PTPRD: variants seen among roughly 807,000 people sequenced by gnomAD.
PTPRD encodes protein tyrosine phosphatase receptor type D, also known as receptor-type tyrosine-protein phosphatase delta.
In PTPRD, 34 loss-of-function variants were observed where a neutral mutation model predicts 214.5. The ratio of observed to expected loss-of-function variants is 0.16; its 90% CI spans 0.12 to 0.21. The LOEUF is 0.21. PTPRD is among the 10% of genes least tolerant of loss of function. The probability of loss-of-function intolerance (pLI) is 1.00; values close to 1 mark genes in which losing one functional copy is unlikely to be tolerated. For missense variants in PTPRD, 2,545 were observed against 2,398.7 expected, an observed-to-expected ratio of 1.06 and a Z score of -1.27; for synonymous variants, 1,128 against 845.7, an observed-to-expected ratio of 1.33 and a Z score of -5.79.
intron 5 of PTPRD, among the ~76,000 whole-genome samples, chr9:9,906,943 C>T (rs547079796): frequency 1.3e-5 from 2 of 152,012 alleles, no homozygotes; most frequent in Admixed American, 1.3e-4. Flanking sequence ...AGATTTCAGC[C>T]ATACTGACAA....
intron 14 of PTPRD, among the ~76,000 whole-genome samples, chr9:8,530,769 C>T (rs1422553371): frequency 6.6e-6 from 1 of 151,968 alleles, no homozygotes; most frequent in Non-Finnish European, 1.5e-5. Flanking sequence ...ATGTGAATGG[C>T]GAAAGAATGT....
intron 9 of PTPRD, among the ~76,000 whole-genome samples, chr9:9,318,776 G>C (rs1964811584): frequency 2.6e-5 from 4 of 152,000 alleles, no homozygotes; most frequent in African/African-American, 9.7e-5. Flanking sequence ...ATAATATTAT[G>C]GACAGCAGTA....
At chr9:9,102,206 A>G (rs1232094274) in intron 10 of PTPRD, among the ~76,000 whole-genome samples, 1 of 152,198 alleles carries the variant, frequency 6.6e-6, no homozygotes, top group Non-Finnish European at 1.5e-5. Flanking sequence ...TATTTTTAAT[A>G]GCTTTTCATT....
chr9:8,736,644 C>A (rs1288822438), intron 11 of PTPRD, among the ~76,000 whole-genome samples: 1 of 151,022 alleles, frequency 6.6e-6, no homozygotes, highest in Non-Finnish European at 1.5e-5. Context: ...GGTTTGAATG[C>A]AGGAAAGATA....
At chr9:10,042,530 T>A (rs1203334846) in intron 3 of PTPRD, among the ~76,000 whole-genome samples, 1 of 151,854 alleles carries the variant, frequency 6.6e-6, no homozygotes, top group Non-Finnish European at 1.5e-5. Flanking sequence ...TATGCTGGGA[T>A]CCTTATTAAG....
At chr9:10,145,711 G>A (rs966944690) in intron 3 of PTPRD, among the ~76,000 whole-genome samples, 1 of 152,146 alleles carries the variant, frequency 6.6e-6, no homozygotes, top group South Asian at 2.1e-4. Context: ...TCTCCAGCAT[G>A]TGTGTATGTG....
Position 9,426,903 on chromosome 9 carries a change from T to G in PTPRD, c.-236-29421A>C, listed in dbSNP as rs530149458. On this transcript the variant is annotated intron_variant, in intron 8 of 45. Transcript: ENST00000381196. Reference sequence around the variant, plus strand: ...AGGGCATCTACACCAAAACCCCATCTGTACGTCACCATCATCAAAGACCAA... The same window carrying G: ...AGGGCATCTACACCAAAACCCCATCGGTACGTCACCATCATCAAAGACCAA... 5.3e-5 allele frequency among the ~76,000 whole-genome samples: 8 copies of G among 152,254 alleles called. No individual in the cohort carries two copies. In the East Asian group the frequency reaches 1.5e-3, roughly 29 times the overall value.
intron 2 of PTPRD, among the ~76,000 whole-genome samples, chr9:10,578,605 G>C (rs767194821): frequency 2.6e-5 from 4 of 152,066 alleles, no homozygotes; most frequent in African/African-American, 7.2e-5. Flanking sequence ...CCAATAACTG[G>C]GAATCCAGAA....
At chr9:9,687,292 A>G (rs1310279879) in intron 7 of PTPRD, among the ~76,000 whole-genome samples, 1 of 151,880 alleles carries the variant, frequency 6.6e-6, no homozygotes, top group Non-Finnish European at 1.5e-5. Flanking sequence ...AACAGGATCT[A>G]CTAAAATAAA....
At chr9:9,340,188 G>T (rs1454140629) in intron 9 of PTPRD, among the ~76,000 whole-genome samples, 1 of 152,060 alleles carries the variant, frequency 6.6e-6, no homozygotes, top group Non-Finnish European at 1.5e-5. Flanking sequence ...TGAAATGGAG[G>T]AAAATTAACA....
At chr9:8,998,792 T>G (rs1384296719) in intron 11 of PTPRD, among the ~76,000 whole-genome samples, 1 of 151,620 alleles carries the variant, frequency 6.6e-6, no homozygotes, top group East Asian at 1.9e-4. Context: ...CATTTGGGAT[T>G]CATGGGTTAA....
At chr9:9,436,171 T>C (rs193115508) in intron 8 of PTPRD, among the ~76,000 whole-genome samples, 16 of 152,172 alleles carry the variant, frequency 1.1e-4, no homozygotes, top group African/African-American at 3.6e-4. Flanking sequence ...CTTCTATTCT[T>C]TGGGTGAACA....
At chr9:9,955,764 A>C (rs201089654) in intron 4 of PTPRD, among the ~76,000 whole-genome samples, 6 of 152,168 alleles carry the variant, frequency 3.9e-5, no homozygotes, top group South Asian at 2.1e-4. Context: ...ACCTCGTGAT[A>C]GCCCGCCTCG....
chr9:9,171,785 G>T (rs948454498), intron 10 of PTPRD, among the ~76,000 whole-genome samples: 2 of 151,796 alleles, frequency 1.3e-5, no homozygotes, highest in African/African-American at 2.4e-5. Flanking sequence ...ACAGCCTCTT[G>T]GCATGGATTC....
chr9:9,561,183 C>G (rs76057166), intron 8 of PTPRD, among the ~76,000 whole-genome samples: 1,985 of 152,252 alleles, frequency 0.013, 45 homozygotes, highest in African/African-American at 0.045. Flanking sequence ...CGCCTGCGCT[C>G]TAAACTCACT....
At chr9:10,260,133 T>G (rs2093598381) in intron 3 of PTPRD, among the ~76,000 whole-genome samples, 1 of 152,190 alleles carries the variant, frequency 6.6e-6, no homozygotes, top group Admixed American at 6.5e-5. Context: ...AAATCAACAT[T>G]TAACCATGTT....
intron 11 of PTPRD, among the ~76,000 whole-genome samples, chr9:8,741,566 C>CTTTTTTTTTTTTTTTTTTTTTTTTTTT (rs66547770): frequency 2.8e-5 from 2 of 70,634 alleles, no homozygotes; most frequent in Non-Finnish European, 5.0e-5. Context: ...TCAGGCATTT[C>CTTTTTTTTTTTTTTTTTTTTTTTTTTT]TTTTTTTTTT....
At chr9:10,258,147 G>C (rs2093424514) in intron 3 of PTPRD, among the ~76,000 whole-genome samples, 1 of 152,208 alleles carries the variant, frequency 6.6e-6, no homozygotes, top group Admixed American at 6.5e-5. Context: ...TATCCCAACA[G>C]ATATCCTTTC....
chr9:9,134,265 A>G (rs1005333330), intron 10 of PTPRD, among the ~76,000 whole-genome samples: 6 of 147,472 alleles, frequency 4.1e-5, no homozygotes, highest in African/African-American at 1.0e-4. Flanking sequence ...AGTAGAGACG[A>G]GGTTTCACCT....
Sources: gnomAD v4.1 joint callset for allele counts (sites outside exome capture counted in the v4.1 genomes callset) on GRCh38, gnomAD v4.1.1 for gene constraint, MANE v1.5 for transcripts, NCBI Gene and HGNC (gene_info 2026-07-23, HGNC 2026-07-21) for gene names.